DPP6: variants seen among roughly 807,000 people sequenced by gnomAD.
DPP6 encodes the protein A-type potassium channel modulatory protein DPP6.
A neutral mutation model predicts 122.6 loss-of-function variants in DPP6; 69 were observed. That is an observed-to-expected ratio of 0.56 (90% CI 0.46 to 0.69). The LOEUF is 0.69. Ranked by LOEUF, DPP6 falls within the 30% of genes least tolerant of loss-of-function variation. DPP6 has a pLI of 0.00. For missense variants in DPP6, 928 were observed against 1,116.9 expected, an observed-to-expected ratio of 0.83 and a Z score of 2.41; for synonymous variants, 418 against 433.1, an observed-to-expected ratio of 0.97 and a Z score of 0.43.
At chr7:153,900,847 C>G (rs1226359960) in intron 1 of DPP6, among the ~76,000 whole-genome samples, 1 of 152,180 alleles carries the variant, frequency 6.6e-6, no homozygotes. Flanking sequence ...GGTCTACAAG[C>G]TGTGGCCCCA....
chr7:154,662,091 CAT>C (rs1837731620), intron 6 of DPP6, among the ~76,000 whole-genome samples: 1 of 150,816 alleles, frequency 6.6e-6, no homozygotes, highest in Non-Finnish European at 1.5e-5. Context: ...TTCATAGAGT[CAT>C]GGTGAATCAC....
At chr7:154,886,896 T>C (rs921674448) in intron 22 of DPP6, among the ~76,000 whole-genome samples, 26 of 152,244 alleles carry the variant, frequency 1.7e-4, no homozygotes, top group Non-Finnish European at 2.9e-5. Context: ...AAATTTTAAC[T>C]CGTACAGGAA....
chr7:154,294,760 C>T (rs993722656), intron 1 of DPP6, among the ~76,000 whole-genome samples: 1 of 152,028 alleles, frequency 6.6e-6, no homozygotes, highest in African/African-American at 2.4e-5. Flanking sequence ...CTTGGGGATA[C>T]CTTTCCCTAC....
chr7:154,076,150 A>AT (rs925462150), intron 1 of DPP6, among the ~76,000 whole-genome samples: 89 of 151,622 alleles, frequency 5.9e-4, no homozygotes, highest in South Asian at 3.5e-3. Flanking sequence ...GGTTTAAAAT[A>AT]TTTTTTTTTA....
rs545918102 is a variant in DPP6 at position 154,738,054 on chromosome 7, T to C, written c.883+10167T>C. 6.0e-4 allele frequency among the ~76,000 whole-genome samples: 92 copies of C among 152,372 alleles called. 1 individual carries two copies. The highest frequency in any genetic ancestry group is 2.1e-3 in the African/African-American group (89 of 41,596). ...GGTTCATTGTATATTAGCATGTGCATGTGAGATGTCCGGTGAAGGTCAACT... is the reference window on the plus strand; with the variant it reads ...GGTTCATTGTATATTAGCATGTGCACGTGAGATGTCCGGTGAAGGTCAACT... On this transcript the variant is annotated intron_variant, in intron 8 of 25. Coordinates refer to ENST00000377770, the MANE Select transcript of DPP6 (RefSeq NM_130797.4).
At chr7:154,869,428 T>C (rs1307659476) in intron 18 of DPP6, among the ~76,000 whole-genome samples, 1 of 152,230 alleles carries the variant, frequency 6.6e-6, no homozygotes, top group African/African-American at 2.4e-5. Context: ...GAGAAGAGCA[T>C]GAGACTGGGC....
chr7:154,123,856 GGACACTCACT>G (rs1807681935), intron 1 of DPP6, among the ~76,000 whole-genome samples: 1 of 147,238 alleles, frequency 6.8e-6, no homozygotes, highest in Non-Finnish European at 1.5e-5. Flanking sequence ...GCTTACCTGG[GGACACTCACT>G]ATGATTACCT....
At chr7:153,847,200 TAAG>T in the DPP6 span, among the ~76,000 whole-genome samples, 1 of 152,202 alleles carries the variant, frequency 6.6e-6, no homozygotes, top group African/African-American at 2.4e-5. Context: ...GCAGGTTTAT[TAAG>T]AAAGCAAAGG....
At chr7:154,749,484 G>A (rs374499470) in intron 8 of DPP6, among the ~76,000 whole-genome samples, 6 of 119,694 alleles carry the variant, frequency 5.0e-5, no homozygotes, top group East Asian at 2.4e-4. Flanking sequence ...AGCATAGGAC[G>A]GGAGAGAGAG....
intron 1 of DPP6, among the ~76,000 whole-genome samples, chr7:154,332,406 T>A (rs1269745524): frequency 6.6e-6 from 1 of 152,208 alleles, no homozygotes. Flanking sequence ...TGGAAATTAC[T>A]GGAAGTGTTT....
chr7:153,981,305 C>T (rs888399733), intron 1 of DPP6, among the ~76,000 whole-genome samples: 5 of 152,112 alleles, frequency 3.3e-5, no homozygotes, highest in African/African-American at 1.2e-4. Flanking sequence ...ATGTAATGCC[C>T]TTCCTTGTCT....
At chr7:154,667,750 G>A (rs1214025870) in intron 6 of DPP6, among the ~76,000 whole-genome samples, 1 of 152,002 alleles carries the variant, frequency 6.6e-6, no homozygotes, top group Non-Finnish European at 1.5e-5. Context: ...ACCACGCAAT[G>A]TTAAAAACTC....
chr7:154,124,509 C>T (rs1186774333), intron 1 of DPP6, among the ~76,000 whole-genome samples: 3 of 152,164 alleles, frequency 2.0e-5, no homozygotes, highest in Admixed American at 1.3e-4. Flanking sequence ...GGAACGTGGA[C>T]AGGGAGTTAG....
At chr7:154,713,869 T>C (rs55671512) in intron 7 of DPP6, among the ~76,000 whole-genome samples, 114,396 of 152,182 alleles carry the variant, frequency 0.75, 45,390 homozygotes, top group Non-Finnish European at 0.88. Context: ...TTGAATTTCT[T>C]CCCAGAAAGT....
chr7:154,517,619 A>T (rs762186505), intron 3 of DPP6, among the ~76,000 whole-genome samples: 28 of 152,160 alleles, frequency 1.8e-4, no homozygotes, highest in Non-Finnish European at 3.5e-4. Context: ...TTCCTAGCAT[A>T]AATAAAGTAT....
chr7:154,700,292 C>T (rs571776133), intron 7 of DPP6, among the ~76,000 whole-genome samples: 2 of 152,298 alleles, frequency 1.3e-5, no homozygotes, highest in Admixed American at 1.3e-4. Context: ...GAAAGAAGCA[C>T]AAGATCTGGT....
At chr7:154,587,545 T>G in intron 5 of DPP6, 1 of 1,268,424 alleles carries the variant, frequency 7.9e-7, no homozygotes, top group Non-Finnish European at 1.1e-6. Flanking sequence ...CCCATTGATT[T>G]TTGTTTCTCG....
intron 1 of DPP6, among the ~76,000 whole-genome samples, chr7:154,312,533 C>T (rs1418965272): frequency 1.3e-5 from 2 of 152,216 alleles, no homozygotes; most frequent in South Asian, 2.1e-4. Context: ...TGGAACTGCA[C>T]GAGACTCAAG....
intron 2 of DPP6, among the ~76,000 whole-genome samples, chr7:154,468,093 C>T (rs898650980): frequency 6.6e-6 from 1 of 152,168 alleles, no homozygotes; most frequent in African/African-American, 2.4e-5. Context: ...TGCTCAACAT[C>T]ATTAGCTTGT....
Sources: allele counts gnomAD v4.1 joint callset (sites outside exome capture counted in the v4.1 genomes callset), GRCh38; gene constraint gnomAD v4.1.1; transcripts MANE v1.5; gene names NCBI Gene and HGNC (gene_info 2026-07-23, HGNC 2026-07-21).